PKN2: variants seen among roughly 807,000 people sequenced by gnomAD.
PKN2 encodes serine/threonine-protein kinase N2.
A neutral mutation model predicts 119.1 loss-of-function variants in PKN2; 38 were observed. The observed-to-expected ratio is 0.32, with a 90% CI of 0.25 to 0.42. The LOEUF (loss-of-function observed/expected upper bound fraction) is 0.42. Ranked by LOEUF, PKN2 falls within the 10% of genes least tolerant of loss-of-function variation. The pLI is 1.00. For synonymous variants in PKN2, 390 were observed against 384.9 expected (o/e 1.01, Z -0.15); for missense variants, 850 against 1,165.1 (o/e 0.73, Z 3.94).
chr1:88,808,817 G>A (rs1232598102), intron 15 of PKN2, among the ~76,000 whole-genome samples: 1 of 152,146 alleles, frequency 6.6e-6, no homozygotes, highest in African/African-American at 2.4e-5. Flanking sequence ...AGACAGCTCT[G>A]TACAATGAAG....
At chr1:88,813,238 A>G (rs550279262) in intron 15 of PKN2, among the ~76,000 whole-genome samples, 4 of 152,178 alleles carry the variant, frequency 2.6e-5, no homozygotes, top group Non-Finnish European at 5.9e-5. Context: ...TCTCTGACCA[A>G]TTCCTGAAGA....
intron 1 of PKN2, among the ~76,000 whole-genome samples, chr1:88,686,659 T>C (rs1262590536): frequency 6.6e-6 from 1 of 152,126 alleles, no homozygotes; most frequent in Non-Finnish European, 1.5e-5. Flanking sequence ...ATTTAAACTT[T>C]ATCGTGTTTA....
chr1:88,723,414 C>G (rs1046030535), intron 1 of PKN2, among the ~76,000 whole-genome samples: 2 of 147,260 alleles, frequency 1.4e-5, no homozygotes, highest in Admixed American at 6.8e-5. Flanking sequence ...TGCCCTGCCC[C>G]CCCCCCTTTT....
chr1:88,828,462 T>C lies in PKN2; in HGVS notation c.2420-19T>C, dbSNP rs1242287312. On this transcript the variant is annotated intron_variant, in intron 18 of 21. Transcript: ENST00000370521. The stretch of plus-strand genomic sequence containing the variant: ...TTTGTTTTCTTTGCTAACAAATGTT[T>C]ACATTTTATCTTTTCCAGGAATGGG... 1.3e-6 allele frequency: 2 copies of C among 1,570,190 alleles called. No homozygotes were observed. Among genetic ancestry groups the C allele is most frequent in the African/African-American group, 2.7e-5 (2 of 73,674 alleles).
intron 19 of PKN2, 29 bp from the exon 20 acceptor site, chr1:88,832,715 T>A (rs1672782188): frequency 7.3e-7 from 1 of 1,362,240 alleles, no homozygotes; most frequent in Non-Finnish European, 1.0e-6. Flanking sequence ...TAAAACTTGC[T>A]TTAACTTACT....
intron 1 of PKN2, among the ~76,000 whole-genome samples, chr1:88,700,978 A>G (rs1228890219): frequency 1.3e-5 from 2 of 152,142 alleles, no homozygotes; most frequent in Non-Finnish European, 2.9e-5. Context: ...TAGGTACATA[A>G]TTTTATCACC....
intron 19 of PKN2, among the ~76,000 whole-genome samples, chr1:88,831,688 T>C (rs1672738441): frequency 6.6e-6 from 1 of 152,016 alleles, no homozygotes; most frequent in South Asian, 2.1e-4. Flanking sequence ...GCTTTCTGCT[T>C]ATTATTCTTT....
intron 1 of PKN2, among the ~76,000 whole-genome samples, chr1:88,732,838 A>G (rs1668195231): frequency 6.6e-6 from 1 of 152,186 alleles, no homozygotes; most frequent in Middle Eastern, 3.2e-3. Context: ...TTCAGTCATA[A>G]ATAATGAAAT....
Position 88,771,749 on chromosome 1 carries a change from T to A in PKN2, c.855T>A (p.Asn285Lys), listed in dbSNP as rs1013798837. The change falls in exon 6 of 22, where the codon AAT becomes AAA. Residue 285 changes from asparagine (N) to lysine (K), a missense_variant. Asn to Lys is a moderately conservative substitution (Grantham distance 94). Transcript: ENST00000370521. ...AAAGATTAAACGAAGTCCCCAAGAATCATCCCAAAAGCAGGATTATTATTG... is the reference window on the plus strand; with the variant it reads ...AAAGATTAAACGAAGTCCCCAAGAAACATCCCAAAAGCAGGATTATTATTG... ...LEQRLNEVPK[N>K]HPKSRIIIEE... The A allele has an allele frequency of 3.1e-6, 5 of 1,613,788 alleles. No homozygotes were observed. In the African/African-American group the frequency reaches 6.7e-5, roughly 22 times the overall value.
chr1:88,774,759 A>T (rs1036698737), intron 6 of PKN2, among the ~76,000 whole-genome samples: 1 of 150,172 alleles, frequency 6.7e-6, no homozygotes, highest in African/African-American at 2.5e-5. Context: ...CCCAGGCTGG[A>T]GTACAGTGGT....
intron 2 of PKN2, among the ~76,000 whole-genome samples, chr1:88,752,181 A>C (rs1185503209): frequency 1.3e-5 from 2 of 152,102 alleles, no homozygotes; most frequent in African/African-American, 4.8e-5. Context: ...TAATTTCTTC[A>C]AATCTATCTC....
At chr1:88,716,432 C>A (rs1667458569) in intron 1 of PKN2, among the ~76,000 whole-genome samples, 1 of 152,112 alleles carries the variant, frequency 6.6e-6, no homozygotes, top group South Asian at 2.1e-4. Context: ...GAGTCTAAGT[C>A]TCTTTGTAGG....
intron 1 of PKN2, among the ~76,000 whole-genome samples, chr1:88,729,103 A>G (rs1570543174): frequency 6.6e-6 from 1 of 152,088 alleles, no homozygotes; most frequent in Non-Finnish European, 1.5e-5. Context: ...CATGTTGGCC[A>G]GGCTGGTCTT....
chr1:88,801,026 G>A (rs984001575), intron 8 of PKN2, among the ~76,000 whole-genome samples: 1 of 152,078 alleles, frequency 6.6e-6, no homozygotes, highest in Non-Finnish European at 1.5e-5. Flanking sequence ...CCCTTGCCTT[G>A]TGTAACTGAC....
At chr1:88,706,643 G>A (rs1216423895) in intron 1 of PKN2, among the ~76,000 whole-genome samples, 2 of 152,112 alleles carry the variant, frequency 1.3e-5, no homozygotes, top group African/African-American at 4.8e-5. Context: ...CATTGGGGAT[G>A]TTTGCTGCTT....
At chr1:88,783,028 G>A (rs1670416244) in intron 6 of PKN2, among the ~76,000 whole-genome samples, 2 of 152,278 alleles carry the variant, frequency 1.3e-5, no homozygotes, top group South Asian at 4.1e-4. Flanking sequence ...TACTGCTGGG[G>A]CAAGACTCTT....
At position 88,784,736 on chromosome 1, in the gene PKN2, A is replaced by G; in HGVS notation, c.1083A>G (p.Pro361=). ...ATSVALPGWS[P]SETRSSFMSR... ...CAGTTGCACTGCCTGGTTGGAGTCC[A>G]AGTGAAACCAGATCATCTTTCATGA... is the stretch of plus-strand genomic sequence containing the variant. Residue 361 remains proline, a synonymous_variant, in exon 7 of 22, where the codon CCA becomes CCG. Coordinates refer to ENST00000370521, the MANE Select transcript of PKN2 (RefSeq NM_006256.4). The G allele has an allele frequency of 1.2e-6, 2 of 1,612,728 alleles. No individual in the cohort carries two copies. The highest frequency in any genetic ancestry group is 4.5e-5 in the East Asian group (2 of 44,800).
chr1:88,831,788 C>G (rs1269918674), intron 19 of PKN2, among the ~76,000 whole-genome samples: 1 of 151,942 alleles, frequency 6.6e-6, no homozygotes, highest in African/African-American at 2.4e-5. Context: ...AAATAAGGTT[C>G]AAGATACTAA....
intron 6 of PKN2, among the ~76,000 whole-genome samples, chr1:88,776,683 T>G (rs1007644113): frequency 4.0e-5 from 6 of 151,194 alleles, no homozygotes; most frequent in African/African-American, 1.5e-4. Flanking sequence ...GAGGTTGCAG[T>G]GAGCCAAGAT....
Sources: allele counts gnomAD v4.1 joint callset (sites outside exome capture counted in the v4.1 genomes callset), GRCh38; gene constraint gnomAD v4.1.1; transcripts MANE v1.5; gene names NCBI Gene and HGNC (gene_info 2026-07-23, HGNC 2026-07-21).